MEX3C: variants seen among roughly 807,000 people sequenced by gnomAD.
MEX3C encodes mex-3 RNA binding family member C.
In MEX3C, 15 loss-of-function variants were observed where a neutral mutation model predicts 35.5. That is an observed-to-expected ratio of 0.42 (90% CI 0.28 to 0.65). The LOEUF (loss-of-function observed/expected upper bound fraction) is 0.65, where lower values mean the gene tolerates loss of function less well. Among genes scored for constraint, MEX3C ranks in the 30% least tolerant of loss-of-function variants. The probability of loss-of-function intolerance (pLI) is 0.20; values close to 1 mark genes in which losing one functional copy is unlikely to be tolerated. For missense variants in MEX3C, 711 were observed against 842.8 expected (o/e 0.84, Z 1.94); for synonymous variants, 390 against 352.8 (o/e 1.11, Z -1.18).
chr18:51,178,445 G>A (rs932435073), intron 1 of MEX3C, among the ~76,000 whole-genome samples: 12 of 150,962 alleles, frequency 7.9e-5, no homozygotes, highest in African/African-American at 2.7e-4. Flanking sequence ...GCTTCAAACT[G>A]TAACTTAAAA....
chr18:51,191,294 T>C (rs1235619908), intron 1 of MEX3C, among the ~76,000 whole-genome samples: 1 of 152,188 alleles, frequency 6.6e-6, no homozygotes, highest in Non-Finnish European at 1.5e-5. Flanking sequence ...GTGATAAGCA[T>C]TACTTCCGGA....
At chr18:51,190,733 C>T (rs149014420) in intron 1 of MEX3C, among the ~76,000 whole-genome samples, 2 of 152,282 alleles carry the variant, frequency 1.3e-5, no homozygotes, top group Admixed American at 6.5e-5. Context: ...ACTACTCAAA[C>T]AGTATTAGAC....
rs576887007 is a variant in MEX3C at position 51,175,756 on chromosome 18, T to G, written c.*595A>C. ...GGCGAGATGAAAGTTGATGTAGCAG[T>G]TTTTGTCCCAAATTATAACCAGTGA... On this transcript the variant is annotated 3_prime_UTR_variant, in exon 2 of 2. Transcript: ENST00000406189. 2.0e-5 allele frequency: 3 copies of G among 152,688 alleles called. No individual in the cohort carries two copies. The South Asian group carries it at 6.2e-4, about 32-fold the overall frequency. 9.5% of individuals were successfully genotyped at this position (152,688 alleles called of 1,614,324 possible).
chr18:51,193,106 T>G (rs950139161), intron 1 of MEX3C: 1 of 152,164 alleles, frequency 6.6e-6, no homozygotes, highest in Non-Finnish European at 1.5e-5. Flanking sequence ...AAAGTATTAA[T>G]TGTTAATAAA....
rs1471934707 is a variant in MEX3C, at chr18:51,197,007, T to C, written c.314A>G (p.Glu105Gly). The C allele has an allele frequency of 3.3e-6, 5 of 1,526,178 alleles. No individual in the cohort carries two copies. Among genetic ancestry groups the C allele is most frequent in the Non-Finnish European group, 4.4e-6 (5 of 1,140,820 alleles). The allele number at this position is 1,526,178 out of a possible 1,614,324, so 94.5% of individuals were successfully genotyped here. ...PGRPGAPEAA[E>G]LELEEDEEEG... is the part of the protein sequence containing the mutation. Reference sequence around the variant, plus strand: ...CTCCTCGTCCTCTTCCAGCTCCAGCTCGGCCGCCTCCGGGGCCCCGGGCCG... The same window carrying C: ...CTCCTCGTCCTCTTCCAGCTCCAGCCCGGCCGCCTCCGGGGCCCCGGGCCG... Residue 105 changes from glutamate to glycine, a missense_variant, in exon 1 of 2, where the codon GAG becomes GGG. Glu to Gly is a moderately conservative substitution (Grantham distance 98, BLOSUM62 -2). Coordinates refer to ENST00000406189, the MANE Select transcript of MEX3C (RefSeq NM_016626.5).
At position 51,197,385 on chromosome 18, in the gene MEX3C, A is replaced by C. The variant is rs2144564192; in HGVS notation, c.-65T>G. The C allele has an allele frequency of 1.2e-5, 2 of 173,192 alleles. No individual in the cohort carries two copies. Among genetic ancestry groups the C allele is most frequent in the Non-Finnish European group, 1.1e-5 (1 of 87,992 alleles). 10.7% of individuals were successfully genotyped at this position (173,192 alleles called of 1,614,324 possible). A position where few individuals can be genotyped will look rare whatever the true frequency, so the allele number is the denominator to read the frequency against. On this transcript the variant is annotated 5_prime_UTR_variant, in exon 1 of 2. An upstream start codon of the reference 5' UTR is lost. Coordinates refer to ENST00000406189, the MANE Select transcript of MEX3C (RefSeq NM_016626.5). ...TCAGGCGCGGCAGGCGGCGAGCCCC[A>C]TGGCGGACAGGGCCAGGGCCCTGCT... is the stretch of plus-strand genomic sequence containing the variant.
At chr18:51,179,761 T>C (rs1217297312) in intron 1 of MEX3C, among the ~76,000 whole-genome samples, 1 of 152,220 alleles carries the variant, frequency 6.6e-6, no homozygotes, top group African/African-American at 2.4e-5. Context: ...TTCCCTCATT[T>C]AGTGCAGCAG....
At chr18:51,193,802 G>C (rs958558454) in intron 1 of MEX3C, 24 of 152,332 alleles carry the variant, frequency 1.6e-4, no homozygotes, top group Middle Eastern at 3.4e-3. Context: ...GCGGTAGTTT[G>C]TGTTTTAGAA....
chr18:51,196,345 G>A (rs1160153038), intron 1 of MEX3C: 3 of 1,081,226 alleles, frequency 2.8e-6, no homozygotes, highest in Admixed American at 3.1e-5. Context: ...GGTCGCCCGA[G>A]AAACTTCACA....
At position 51,176,820 on chromosome 18, in the gene MEX3C, G is replaced by A; in HGVS notation, c.1511C>T (p.Thr504Ile). 1 of 1,614,012 alleles carries A rather than the reference G, an allele frequency of 6.2e-7. No individual in the cohort carries two copies. Among genetic ancestry groups the A allele is most frequent in the South Asian group, 1.1e-5 (1 of 91,080 alleles). ...VDSPAFDSLP[T>I]SAQTIWTPFE... ...TGGAGTCCAGATAGTTTGAGCAGAT[G>A]TTGGTAAAGAGTCAAAGGCAGGAGA... Residue 504 changes from threonine to isoleucine, a missense_variant, in exon 2 of 2, where the codon ACA becomes ATA. Coordinates refer to ENST00000406189, the MANE Select transcript of MEX3C (RefSeq NM_016626.5).
chr18:51,180,540 C>A (rs1912403392), intron 1 of MEX3C, among the ~76,000 whole-genome samples: 1 of 152,120 alleles, frequency 6.6e-6, no homozygotes, highest in Non-Finnish European at 1.5e-5. Flanking sequence ...TGCAGTGGCA[C>A]CATATCGGCT....
intron 1 of MEX3C, among the ~76,000 whole-genome samples, chr18:51,182,509 T>C (rs1912453848): frequency 6.6e-6 from 1 of 152,150 alleles, no homozygotes; most frequent in Non-Finnish European, 1.5e-5. Context: ...GGAAGTAAAT[T>C]CCCTAAAAAA....
rs1568231275 is a variant in MEX3C, at chr18:51,177,128, G to A, written c.1203C>T (p.Leu401=). ...TGTAATGGAAATCATTCTCTTCATT[G>A]AGCTCTATATAGTTTCCTGTACGCA... ...IAMRTGNYIE[L]NEENDFHYNG... is the part of the protein sequence containing the mutation. The change falls in exon 2 of 2, where the codon CTC becomes CTT. Residue 401 remains leucine, a synonymous_variant. Transcript: ENST00000406189. This position sits in a 1 kb window ranked among gnomAD's most constrained non-coding sequence, Gnocchi z 4.2. 1.9e-6 allele frequency: 3 copies of A among 1,613,876 alleles called. No homozygotes were observed. Among genetic ancestry groups the A allele is most frequent in the Non-Finnish European group, 2.5e-6 (3 of 1,179,892 alleles).
Position 51,176,507 on chromosome 18 carries a change from A to G in MEX3C, c.1824T>C (p.Cys608=). The change falls in exon 2 of 2, where the codon TGT becomes TGC. Residue 608 remains cysteine (C), a synonymous_variant. Transcript: ENST00000406189. ...SPPESRRKHD[C]VICFENEVIA... is the part of the protein sequence containing the mutation. ...TAACCTCATTCTCAAAGCAAATCACACAGTCGTGCTTTCGTCTTGATTCTG... is the reference window on the plus strand; with the variant it reads ...TAACCTCATTCTCAAAGCAAATCACGCAGTCGTGCTTTCGTCTTGATTCTG... 6.2e-7 allele frequency: 1 copy of G among 1,614,018 alleles called. No individual in the cohort carries two copies. The highest frequency in any genetic ancestry group is 1.3e-5 in the African/African-American group (1 of 75,044).
intron 1 of MEX3C, among the ~76,000 whole-genome samples, chr18:51,188,845 A>T (rs1288119592): frequency 6.6e-6 from 1 of 152,220 alleles, no homozygotes; most frequent in East Asian, 1.9e-4. Flanking sequence ...TCAAGCACTG[A>T]AAGTATTTAG....
At position 51,176,246 on chromosome 18, in the gene MEX3C, G is replaced by A. The variant is rs1912298708; in HGVS notation, c.*105C>T. ...CTTTAGCCTAATCCCAATAAAGCCT[G>A]ATAACAGTCATAAGAAATCATTAGG... On this transcript the variant is annotated 3_prime_UTR_variant, in exon 2 of 2. Coordinates refer to ENST00000406189, the MANE Select transcript of MEX3C (RefSeq NM_016626.5). 6.1e-6 allele frequency: 7 copies of A among 1,156,318 alleles called. No individual in the cohort carries two copies. Among genetic ancestry groups the A allele is most frequent in the Non-Finnish European group, 8.3e-6 (7 of 841,086 alleles). The allele number at this position is 1,156,318 out of a possible 1,614,324, so 71.6% of individuals were successfully genotyped here.
intron 1 of MEX3C, among the ~76,000 whole-genome samples, chr18:51,184,541 A>G (rs1371512683): frequency 6.6e-6 from 1 of 152,180 alleles, no homozygotes; most frequent in Non-Finnish European, 1.5e-5. Context: ...ACATTCTGGA[A>G]GTCTCTCAAG....
chr18:51,191,999 T>C (rs566846859), intron 1 of MEX3C, among the ~76,000 whole-genome samples: 6 of 152,288 alleles, frequency 3.9e-5, no homozygotes, highest in African/African-American at 1.4e-4. Context: ...GGCAAAAGTA[T>C]TCAAAACCAA....
At position 51,196,597 on chromosome 18, in the gene MEX3C, C is replaced by A; in HGVS notation, c.724G>T (p.Glu242Ter). Reference protein sequence around the residue: ...TTECVPVPSSEHVAEIVGRQG... With the variant: ...TTECVPVPSS Reference sequence around the variant, plus strand: ...CGGCCGACGATCTCGGCGACGTGCTCGGAGCTGGGCACCGGGACGCACTCG... The same window carrying A: ...CGGCCGACGATCTCGGCGACGTGCTAGGAGCTGGGCACCGGGACGCACTCG... Residue 242 changes from glutamate (E) to a stop codon, truncating the protein, a stop_gained, in exon 1 of 2, where the codon GAG (glutamate) becomes TAG (stop). Coordinates refer to ENST00000406189, the MANE Select transcript of MEX3C (RefSeq NM_016626.5). LOFTEE classifies it high-confidence loss of function. 6.3e-7 allele frequency: 1 copy of A among 1,593,118 alleles called. No homozygotes were observed. Among genetic ancestry groups the A allele is most frequent in the Non-Finnish European group, 8.5e-7 (1 of 1,175,132 alleles).
Sources: allele counts gnomAD v4.1 joint callset (sites outside exome capture counted in the v4.1 genomes callset), GRCh38; gene constraint gnomAD v4.1.1; non-coding constraint Gnocchi (gnomAD v3.1); transcripts MANE v1.5; gene names NCBI Gene and HGNC (gene_info 2026-07-23, HGNC 2026-07-21).